The following RANBP2 variants were observed in gnomAD, a reference collection of about 807,000 sequenced individuals.
RANBP2 encodes E3 SUMO-protein ligase RanBP2.
A neutral mutation model predicts 303.6 loss-of-function variants in RANBP2; 57 were observed. The ratio of observed to expected loss-of-function variants is 0.19; its 90% confidence interval spans 0.15 to 0.23. The LOEUF (loss-of-function observed/expected upper bound fraction) is 0.23, where lower values mean the gene tolerates loss of function less well. RANBP2 is among the 10% of genes least tolerant of loss of function. The pLI is 1.00. For missense variants in RANBP2, 3,138 were observed against 3,780.8 expected (o/e 0.83, Z 4.46); for synonymous variants, 1,167 against 1,301.5 (o/e 0.90, Z 2.23).
In RANBP2 at chr2:108,767,731, A is replaced by G. The variant is rs1175415350; in HGVS notation, c.7192A>G (p.Thr2398Ala). The G allele has an allele frequency of 6.2e-7, 1 of 1,612,050 alleles. No individual in the cohort carries two copies. ...CATGACTTTGCAAAATATGAAAGGG[A>G]CAGAAAGAGTATGGTTGTGGACTGC... The part of the protein sequence containing the change: ...PDMTLQNMKG[T>A]ERVWLWTACD... The change falls in exon 20 of 29, where the codon ACA becomes GCA. Residue 2398 changes from threonine (T) to alanine (A), a missense_variant. Coordinates refer to ENST00000283195, the MANE Select transcript of RANBP2 (RefSeq NM_006267.5).
the RANBP2 span, among the ~76,000 whole-genome samples, chr2:109,049,810 C>T: frequency 2.0e-5 from 3 of 152,084 alleles, no homozygotes; most frequent in Non-Finnish European, 4.4e-5. Context: ...AAAATGTTGC[C>T]AGAAAAACAT....
the RANBP2 span, among the ~76,000 whole-genome samples, chr2:109,743,703 T>A: frequency 1.7e-4 from 16 of 94,970 alleles, 3 homozygotes; most frequent in African/African-American, 4.7e-4. Flanking sequence ...TGCTGATGTT[T>A]GGGGTATGAA....
At chr2:109,593,096 C>T in the RANBP2 span, 3 of 1,598,390 alleles carry the variant, frequency 1.9e-6, no homozygotes, top group East Asian at 2.3e-5. Flanking sequence ...AAGTTGTTTT[C>T]GTTGCCATGT....
the RANBP2 span, among the ~76,000 whole-genome samples, chr2:109,060,347 G>T: frequency 1.3e-5 from 2 of 152,136 alleles, no homozygotes; most frequent in African/African-American, 4.8e-5. Context: ...TCTGCTCCAG[G>T]TTGGGCTGGT....
chr2:109,399,025 C>T, the RANBP2 span: 2 of 1,405,590 alleles, frequency 1.4e-6, no homozygotes, highest in African/African-American at 1.4e-5. Flanking sequence ...TCCCCCGTTC[C>T]TCAACTAGCA....
chr2:109,408,094 G>T, the RANBP2 span, among the ~76,000 whole-genome samples: 901 of 152,274 alleles, frequency 5.9e-3, 11 homozygotes, highest in African/African-American at 0.02. Context: ...TTGCTGGCTA[G>T]CAGCACAGAA....
chr2:108,760,607 C>T (rs1573798850), intron 18 of RANBP2, among the ~76,000 whole-genome samples: 3 of 152,048 alleles, frequency 2.0e-5, no homozygotes, highest in African/African-American at 7.2e-5. Context: ...AAATCCTTTG[C>T]CAATTTGTAG....
the RANBP2 span, among the ~76,000 whole-genome samples, chr2:108,834,648 T>A: frequency 6.6e-6 from 1 of 152,244 alleles, no homozygotes; most frequent in East Asian, 1.9e-4. Context: ...ATGTACAATT[T>A]AGTGGCATTA....
At chr2:109,187,706 C>G in the RANBP2 span, among the ~76,000 whole-genome samples, 1 of 152,174 alleles carries the variant, frequency 6.6e-6, no homozygotes, top group Non-Finnish European at 1.5e-5. Context: ...ACTCATTTTT[C>G]AGAATATATT....
chr2:109,385,088 C>T, the RANBP2 span, among the ~76,000 whole-genome samples: 2 of 152,204 alleles, frequency 1.3e-5, no homozygotes, highest in African/African-American at 2.4e-5. Context: ...TTCATCTGTC[C>T]CTTCCTCTGT....
Position 108,729,138 on chromosome 2 carries a change from A to G in RANBP2, c.79A>G (p.Met27Val), listed in dbSNP as rs772271582. ...AACTTTTAATTTTTTTTAGAAGTCA[A>G]TGAAAGGATTCTATTTTGCAAAGCT... ...GSTPSPRQKS[M>V]KGFYFAKLYY... The change falls in exon 2 of 29, where the codon ATG becomes GTG. Residue 27 changes from methionine (M) to valine (V), a missense_variant. Met to Val is a conservative substitution (Grantham distance 21). Coordinates refer to ENST00000283195, the MANE Select transcript of RANBP2 (RefSeq NM_006267.5). 20 of 1,572,170 alleles carry G rather than the reference A, an allele frequency of 1.3e-5. No homozygotes were observed. The highest frequency in any genetic ancestry group is 4.5e-5 in the East Asian group (2 of 44,366).
the RANBP2 span, among the ~76,000 whole-genome samples, chr2:109,488,428 C>T: frequency 1.3e-5 from 2 of 152,144 alleles, no homozygotes; most frequent in Admixed American, 6.6e-5. Flanking sequence ...GTTCCCACCC[C>T]AGGTACTGCA....
chr2:109,293,028 C>G, the RANBP2 span, among the ~76,000 whole-genome samples: 4 of 152,256 alleles, frequency 2.6e-5, no homozygotes, highest in East Asian at 5.8e-4. Context: ...CACCGCACCC[C>G]AATTTGACAT....
the RANBP2 span, among the ~76,000 whole-genome samples, chr2:108,853,052 T>C: frequency 6.6e-6 from 1 of 152,224 alleles, no homozygotes; most frequent in Non-Finnish European, 1.5e-5. Flanking sequence ...TTTCGTGAGA[T>C]CTACCTTAAG....
the RANBP2 span, among the ~76,000 whole-genome samples, chr2:109,338,923 C>CAGTT: frequency 0.49 from 74,503 of 151,744 alleles, 19,537 homozygotes; most frequent in African/African-American, 0.68. Flanking sequence ...ATAACACAAA[C>CAGTT]AGTTGATCAA....
the RANBP2 span, chr2:109,574,466 A>AAG: frequency 7.9e-5 from 45 of 573,206 alleles, no homozygotes; most frequent in Non-Finnish European, 9.9e-6. Flanking sequence ...AAAAAAAAAA[A>AAG]TTTAAAAAAG....
chr2:109,162,187 A>G, the RANBP2 span, among the ~76,000 whole-genome samples: 4 of 152,190 alleles, frequency 2.6e-5, no homozygotes, highest in African/African-American at 4.8e-5. Context: ...GACAGATACC[A>G]TGGACCTTAC....
chr2:109,634,529 A>T, the RANBP2 span, among the ~76,000 whole-genome samples: 1 of 152,198 alleles, frequency 6.6e-6, no homozygotes, highest in Non-Finnish European at 1.5e-5. Flanking sequence ...ATGGAGGGCA[A>T]AATAAAGATA....
the RANBP2 span, among the ~76,000 whole-genome samples, chr2:108,852,572 T>A: frequency 6.6e-6 from 1 of 152,136 alleles, no homozygotes; most frequent in Non-Finnish European, 1.5e-5. Flanking sequence ...TATGCAGCCA[T>A]TAAAAAGAAT....
Sources: allele counts gnomAD v4.1 joint callset (sites outside exome capture counted in the v4.1 genomes callset), GRCh38; gene constraint gnomAD v4.1.1; transcripts MANE v1.5; gene names NCBI Gene and HGNC (gene_info 2026-07-23, HGNC 2026-07-21).